CACNA1D: variants seen among roughly 807,000 people sequenced by gnomAD.
The protein encoded by CACNA1D is calcium voltage-gated channel subunit alpha1 D.
CACNA1D carries 55 observed loss-of-function variants against 257.1 expected under a neutral mutation model. The observed-to-expected ratio is 0.21, with a 90% CI of 0.17 to 0.27. The LOEUF is 0.27. Among genes scored for constraint, CACNA1D ranks in the 10% least tolerant of loss-of-function variants. The pLI, the probability that CACNA1D is intolerant of heterozygous loss-of-function variation, is 1.00. For missense variants in CACNA1D, 1,876 were observed against 2,784.0 expected (o/e 0.67, Z 7.34); for synonymous variants, 980 against 1,014.9 (o/e 0.97, Z 0.65).
chr3:53,592,146 T>C (rs2093314434), intron 3 of CACNA1D, among the ~76,000 whole-genome samples: 1 of 152,072 alleles, frequency 6.6e-6, no homozygotes, highest in Admixed American at 6.5e-5. Context: ...TATGTTCTAG[T>C]GGGAAGAGAG....
At chr3:53,679,269 T>TAAAAAAAAAAA (rs1559504844) in intron 8 of CACNA1D, 1 of 6,372 alleles carries the variant, frequency 1.6e-4, no homozygotes, top group African/African-American at 3.3e-4. Flanking sequence ...AAACTCCATC[T>TAAAAAAAAAAA]CAAAAAAAAA....
intron 3 of CACNA1D, among the ~76,000 whole-genome samples, chr3:53,518,309 C>G (rs938278144): frequency 2.0e-5 from 3 of 152,206 alleles, no homozygotes; most frequent in African/African-American, 7.2e-5. Flanking sequence ...AGCAGGGACC[C>G]AGTGTCCCAT....
intron 39 of CACNA1D, 124 bp downstream of exon 39, chr3:53,781,791 C>T (rs947984681): frequency 1.5e-5 from 11 of 751,062 alleles, no homozygotes; most frequent in African/African-American, 5.1e-5. Flanking sequence ...TTAAGGCCAA[C>T]TGATAAAGAA....
chr3:53,762,013 G>T lies in CACNA1D; in HGVS notation c.3802G>T (p.Ala1268Ser). ...AFKPKGYFSD[A>S]WNTFDSLIVI... ...CTCTGTCCAGGGGTATTTTAGTGAC[G>T]CCTGGAACACGTTTGACTCCCTCAT... Residue 1268 changes from alanine to serine, a missense_variant, in exon 30 of 48, where the codon GCC becomes TCC. Around this residue, in one of 10 missense-constraint regions of CACNA1D, gnomAD observed 204 missense variants for 309.4 expected, o/e 0.66. Coordinates refer to ENST00000350061, the MANE Select transcript of CACNA1D (RefSeq NM_001128840.3). 1.2e-6 allele frequency: 2 copies of T among 1,612,466 alleles called. No individual in the cohort carries two copies. Among genetic ancestry groups the T allele is most frequent in the Non-Finnish European group, 1.7e-6 (2 of 1,178,448 alleles).
At chr3:53,660,001 T>A (rs1403178339) in intron 4 of CACNA1D, 132 bp from the exon 5 acceptor site, 1 of 791,916 alleles carries the variant, frequency 1.3e-6, no homozygotes, top group Non-Finnish European at 2.1e-6. Flanking sequence ...CCAGTTCTTG[T>A]CTTTGTCTTC....
intron 3 of CACNA1D, among the ~76,000 whole-genome samples, chr3:53,515,565 C>G (rs2107286251): frequency 6.6e-6 from 1 of 152,282 alleles, no homozygotes; most frequent in Middle Eastern, 3.4e-3. Flanking sequence ...AAGTAAGCAG[C>G]AGAATTAGGA....
At chr3:53,768,778 A>G (rs776539165) in intron 30 of CACNA1D, among the ~76,000 whole-genome samples, 1 of 152,154 alleles carries the variant, frequency 6.6e-6, no homozygotes, top group Non-Finnish European at 1.5e-5. Flanking sequence ...TGGTCTCAGG[A>G]GGTAGCCCTT....
chr3:53,628,091 T>TAG (rs1486249812), intron 3 of CACNA1D, among the ~76,000 whole-genome samples: 1 of 152,170 alleles, frequency 6.6e-6, no homozygotes, highest in Non-Finnish European at 1.5e-5. Context: ...AGCCCTGTCT[T>TAG]CTCTAATACC....
chr3:53,744,743 C>G lies in CACNA1D; in HGVS notation c.2922C>G (p.Ser974=), dbSNP rs145636624. The G allele has an allele frequency of 6.7e-5, 106 of 1,585,182 alleles. No homozygotes were observed. The African/African-American group carries it at 1.2e-3, about 18-fold the overall frequency. Reference sequence around the variant, plus strand: ...CGTCTTTCTGCTCCTTCCCTAGATCCAGTGCCATCTCCGTTGTGAAGATTC... The same window carrying G: ...CGTCTTTCTGCTCCTTCCCTAGATCGAGTGCCATCTCCGTTGTGAAGATTC... The part of the protein sequence containing the change: ...GVSLVSFGIQ[S]SAISVVKILR... Residue 974 remains serine, a synonymous_variant, in exon 23 of 48, where the codon TCC becomes TCG. Coordinates refer to ENST00000350061, the MANE Select transcript of CACNA1D (RefSeq NM_001128840.3).
intron 3 of CACNA1D, among the ~76,000 whole-genome samples, chr3:53,625,153 G>A (rs989116749): frequency 2.6e-5 from 4 of 152,128 alleles, no homozygotes; most frequent in African/African-American, 7.2e-5. Context: ...CATCTATGAG[G>A]CAAAGACCAT....
chr3:53,738,237 G>A (rs2095078240), intron 20 of CACNA1D, among the ~76,000 whole-genome samples: 1 of 152,232 alleles, frequency 6.6e-6, no homozygotes, highest in African/African-American at 2.4e-5. Context: ...GGACAACCAA[G>A]CCTCATGCTG....
chr3:53,662,994 G>A (rs2094220104), intron 5 of CACNA1D, among the ~76,000 whole-genome samples: 1 of 152,166 alleles, frequency 6.6e-6, no homozygotes, highest in South Asian at 2.1e-4. Context: ...TTCCTTGTAG[G>A]AGGTAAAAAT....
At chr3:53,603,613 G>T (rs1200935210) in intron 3 of CACNA1D, among the ~76,000 whole-genome samples, 1 of 152,162 alleles carries the variant, frequency 6.6e-6, no homozygotes, top group African/African-American at 2.4e-5. Flanking sequence ...TAGCGACAGA[G>T]GGAGAAAAAA....
chr3:53,558,891 G>T (rs1350095772), intron 3 of CACNA1D, among the ~76,000 whole-genome samples: 1 of 152,114 alleles, frequency 6.6e-6, no homozygotes, highest in Non-Finnish European at 1.5e-5. Flanking sequence ...TCTTGCAGTG[G>T]TAAGTTTAGG....
chr3:53,696,499 G>A (rs1414492694), intron 8 of CACNA1D, among the ~76,000 whole-genome samples: 1 of 152,206 alleles, frequency 6.6e-6, no homozygotes, highest in Non-Finnish European at 1.5e-5. Context: ...TCTGGGCTCT[G>A]GTTAGGTTGC....
intron 8 of CACNA1D, among the ~76,000 whole-genome samples, chr3:53,681,965 A>G (rs1299640093): frequency 2.0e-5 from 3 of 152,166 alleles, no homozygotes; most frequent in Admixed American, 6.5e-5. Flanking sequence ...GGTGACAGGA[A>G]CTGGGAGAGC....
intron 3 of CACNA1D, among the ~76,000 whole-genome samples, chr3:53,541,974 A>C (rs2092308683): frequency 6.6e-6 from 1 of 152,216 alleles, no homozygotes; most frequent in Non-Finnish European, 1.5e-5. Context: ...AAGTAAGATC[A>C]GTGATTGTTT....
At chr3:53,498,056 T>C (rs2090426204) in intron 2 of CACNA1D, among the ~76,000 whole-genome samples, 1 of 152,204 alleles carries the variant, frequency 6.6e-6, no homozygotes, top group African/African-American at 2.4e-5. Context: ...TGATTTTTTT[T>C]CTCTGATCAG....
chr3:53,739,548 G>T (rs536659766), intron 20 of CACNA1D, among the ~76,000 whole-genome samples: 1 of 152,196 alleles, frequency 6.6e-6, no homozygotes. Context: ...CACCAATGAG[G>T]ATAGAGTTGC....
Sources: gnomAD v4.1 joint callset for allele counts (sites outside exome capture counted in the v4.1 genomes callset) on GRCh38, gnomAD v4.1.1 for gene constraint, gnomAD v4.1.1 regional missense constraint, MANE v1.5 for transcripts, NCBI Gene and HGNC (gene_info 2026-07-23, HGNC 2026-07-21) for gene names.